APOBEC2: variants seen among roughly 807,000 people sequenced by gnomAD.
APOBEC2 encodes the protein apolipoprotein B mRNA editing enzyme catalytic subunit 2.
Under a neutral mutation model 19.4 loss-of-function variants are expected in APOBEC2, and 14 were observed. The observed-to-expected ratio is 0.72, with a 90% CI of 0.48 to 1.13. The LOEUF (loss-of-function observed/expected upper bound fraction) is 1.13, where lower values mean the gene tolerates loss of function less well. Among genes scored for constraint, APOBEC2 ranks in the 50% most tolerant of loss-of-function variants. The probability of loss-of-function intolerance (pLI) is 0.00; values close to 1 mark genes in which losing one functional copy is unlikely to be tolerated. For synonymous variants in APOBEC2, 127 were observed against 112.1 expected (o/e 1.13, Z -0.84); for missense variants, 304 against 277.0 (o/e 1.10, Z -0.69).
intron 1 of APOBEC2, among the ~76,000 whole-genome samples, chr6:41,056,482 G>A (rs546218792): frequency 6.6e-6 from 1 of 152,224 alleles, no homozygotes; most frequent in African/African-American, 2.4e-5. Context: ...TCTTTCAGGT[G>A]AGGAAACTAA....
At chr6:41,054,496 A>G (rs2114025072) in intron 1 of APOBEC2, among the ~76,000 whole-genome samples, 1 of 152,332 alleles carries the variant, frequency 6.6e-6, no homozygotes, top group Non-Finnish European at 1.5e-5. Context: ...TTCAAGCTTG[A>G]CAAGTGATTT....
Position 41,061,483 on chromosome 6 carries a change from C to T in APOBEC2, c.287C>T (p.Ala96Val), listed in dbSNP as rs1762871712. Residue 96 changes from alanine to valine, a missense_variant, in exon 2 of 3, where the codon GCT becomes GTT. Physicochemically the swap from Ala to Val is moderately conservative, Grantham distance 64. Transcript: ENST00000244669. Reference sequence around the variant, plus strand: ...GGATACCTAGAGGATGAGCATGCGGCTGCCCATGCAGAGGAAGCTTTCTTC... The same window carrying T: ...GGATACCTAGAGGATGAGCATGCGGTTGCCCATGCAGAGGAAGCTTTCTTC... ...SRGYLEDEHA[A>V]AHAEEAFFNT... 1 of 1,613,762 alleles carries T rather than the reference C, an allele frequency of 6.2e-7. No homozygotes were observed. Among genetic ancestry groups the T allele is most frequent in the African/African-American group, 1.3e-5 (1 of 74,944 alleles).
At chr6:41,055,867 C>T (rs1292096704) in intron 1 of APOBEC2, among the ~76,000 whole-genome samples, 2 of 152,174 alleles carry the variant, frequency 1.3e-5, no homozygotes, top group African/African-American at 4.8e-5. Context: ...GATATCACCT[C>T]GGGAGCTTGA....
intron 2 of APOBEC2, among the ~76,000 whole-genome samples, chr6:41,063,018 A>G (rs953748922): frequency 6.6e-6 from 1 of 152,224 alleles, no homozygotes; most frequent in Non-Finnish European, 1.5e-5. Context: ...TTCCATGAAG[A>G]TAATTTACTT....
At chr6:41,058,294 A>C (rs1393754435) in intron 1 of APOBEC2, among the ~76,000 whole-genome samples, 1 of 148,542 alleles carries the variant, frequency 6.7e-6, no homozygotes, top group African/African-American at 2.5e-5. Context: ...ACCCACACAC[A>C]CACACACACA....
intron 2 of APOBEC2, among the ~76,000 whole-genome samples, chr6:41,063,264 C>T (rs1221547606): frequency 6.6e-6 from 1 of 152,172 alleles, no homozygotes; most frequent in East Asian, 1.9e-4. Flanking sequence ...ATAGGGTATA[C>T]TGTGTGGTAC....
In APOBEC2 at chr6:41,059,951, A is replaced by G. The variant is rs1581990386; in HGVS notation, c.132-1377A>G. Among the ~76,000 whole-genome samples the G allele has an allele frequency of 3.3e-5, 5 of 152,268 alleles. No individual in the cohort carries two copies. In the South Asian group the frequency reaches 6.2e-4, roughly 19 times the overall value. The stretch of plus-strand genomic sequence containing the variant: ...AGATTACATTTTTAAAAAGGAAAAC[A>G]TTGAATCTTTCTAGCTGGTACTCAT... On this transcript the variant is annotated intron_variant, in intron 1 of 2. Transcript: ENST00000244669.
chr6:41,063,660 A>C (rs559950832), intron 2 of APOBEC2, among the ~76,000 whole-genome samples: 1 of 4,766 alleles, frequency 2.1e-4, no homozygotes, highest in African/African-American at 8.8e-4. Context: ...AGATATATCA[A>C]GTTAAAAAAA....
intron 1 of APOBEC2, among the ~76,000 whole-genome samples, chr6:41,058,714 G>C (rs9381029): frequency 0.39 from 59,128 of 151,952 alleles, 12,166 homozygotes; most frequent in African/African-American, 0.52. Flanking sequence ...CCCCCAGGAC[G>C]TAGCTATTTC....
chr6:41,063,386 T>C (rs1467468794), intron 2 of APOBEC2, among the ~76,000 whole-genome samples: 2 of 152,214 alleles, frequency 1.3e-5, no homozygotes, highest in African/African-American at 4.8e-5. Context: ...TTGAAGATTT[T>C]GTTAGTGTAT....
chr6:41,053,521 T>C lies in APOBEC2; in HGVS notation c.131+43T>C, dbSNP rs765665578. 1.2e-5 allele frequency: 20 copies of C among 1,610,016 alleles called. No individual in the cohort carries two copies. In the East Asian group the frequency reaches 4.0e-4, roughly 32 times the overall value. On this transcript the variant is annotated intron_variant, in intron 1 of 2. Transcript: ENST00000244669. ...GTCAGGGTTCTGCTCCCTAGAAGAGTGCAGCCTTGGGTTAGGCTGTGGAAA... is the reference window on the plus strand; with the variant it reads ...GTCAGGGTTCTGCTCCCTAGAAGAGCGCAGCCTTGGGTTAGGCTGTGGAAA...
At chr6:41,061,156 C>CTTTTTTTTT (rs35586672) in intron 1 of APOBEC2, among the ~76,000 whole-genome samples, 172 bp from the exon 2 acceptor site, 17 of 105,650 alleles carry the variant, frequency 1.6e-4, no homozygotes, top group East Asian at 2.9e-4. Flanking sequence ...TTTTTTAATG[C>CTTTTTTTTT]TTTTTTTTTT....
intron 2 of APOBEC2, among the ~76,000 whole-genome samples, chr6:41,063,529 T>C (rs952596704): frequency 3.8e-4 from 50 of 130,756 alleles, no homozygotes; most frequent in African/African-American, 1.3e-3. Context: ...AGCAAGTCCT[T>C]AGAGCTTTTT....
intron 2 of APOBEC2, among the ~76,000 whole-genome samples, chr6:41,063,002 A>G (rs1762895567): frequency 6.6e-6 from 1 of 152,226 alleles, no homozygotes; most frequent in Admixed American, 6.5e-5. Flanking sequence ...CATGAAAACA[A>G]CAAGCTTCCA....
chr6:41,056,047 G>T (rs958632030), intron 1 of APOBEC2, among the ~76,000 whole-genome samples: 19 of 152,216 alleles, frequency 1.2e-4, no homozygotes, highest in African/African-American at 4.6e-4. Context: ...GTTTGGTAAT[G>T]CTTAAGACGG....
At chr6:41,054,721 T>C (rs1762773217) in intron 1 of APOBEC2, among the ~76,000 whole-genome samples, 1 of 152,122 alleles carries the variant, frequency 6.6e-6, no homozygotes, top group Admixed American at 6.5e-5. Flanking sequence ...CACAGATTAA[T>C]ATAGACACAG....
chr6:41,063,043 T>G (rs1021669156), intron 2 of APOBEC2, among the ~76,000 whole-genome samples: 1 of 152,194 alleles, frequency 6.6e-6, no homozygotes, highest in Admixed American at 6.5e-5. Flanking sequence ...TCTCTCTCAC[T>G]CCTAACACCC....
Position 41,061,371 on chromosome 6 carries a change from G to A in APOBEC2, c.175G>A (p.Val59Met), listed in dbSNP as rs149781173. The A allele has an allele frequency of 2.9e-5, 45 of 1,555,534 alleles. 1 individual carries two copies. The East Asian group carries it at 9.0e-4, about 31-fold the overall frequency. ...ANFFKFQFRN[V>M]EYSSGRNKTF... ...CTTCTTTAAATTCCAGTTCCGGAAT[G>A]TGGAGTACAGTTCCGGGAGGAACAA... The change falls in exon 2 of 3, where the codon GTG (valine) becomes ATG (methionine). Residue 59 changes from valine (V) to methionine (M), a missense_variant. Transcript: ENST00000244669.
At chr6:41,063,663 T>A (rs1469579999) in intron 2 of APOBEC2, among the ~76,000 whole-genome samples, 8 of 141,526 alleles carry the variant, frequency 5.7e-5, no homozygotes, top group Non-Finnish European at 7.6e-5. Context: ...TATATCAAGT[T>A]AAAAAAAAAA....
Sources: allele counts gnomAD v4.1 joint callset (sites outside exome capture counted in the v4.1 genomes callset), GRCh38; gene constraint gnomAD v4.1.1; transcripts MANE v1.5; gene names NCBI Gene and HGNC (gene_info 2026-07-23, HGNC 2026-07-21).